INPP4B: variants seen among roughly 807,000 people sequenced by gnomAD.
INPP4B encodes inositol polyphosphate-4-phosphatase type II B.
INPP4B carries 55 observed loss-of-function variants against 122.5 expected under a neutral mutation model. The ratio of observed to expected loss-of-function variants is 0.45; its 90% CI spans 0.36 to 0.56. The LOEUF is 0.56. INPP4B is among the 20% of genes least tolerant of loss of function. The pLI, the probability that INPP4B is intolerant of heterozygous loss-of-function variation, is 0.00. For synonymous variants in INPP4B, 403 were observed against 388.7 expected (o/e 1.04, Z -0.43); for missense variants, 1,000 against 1,097.7 (o/e 0.91, Z 1.26).
chr4:142,578,957 G>A lies in INPP4B; in HGVS notation c.-190-116231C>T, dbSNP rs564292107. Reference sequence around the variant, plus strand: ...AGGGAATCTGTTACTGTGGTCTCTTGTAACTAAAAAGTGAATATGTTTTAT... The same window carrying A: ...AGGGAATCTGTTACTGTGGTCTCTTATAACTAAAAAGTGAATATGTTTTAT... On this transcript the variant is annotated intron_variant, in intron 2 of 25. Coordinates refer to ENST00000262992, the MANE Select transcript of INPP4B (RefSeq NM_001101669.3). Among the ~76,000 whole-genome samples the A allele has an allele frequency of 2.2e-4, 33 of 152,006 alleles. No homozygotes were observed. In the South Asian group the frequency reaches 6.6e-3, roughly 31 times the overall value.
At chr4:142,262,422 C>T (rs989197232) in intron 10 of INPP4B, among the ~76,000 whole-genome samples, 4 of 152,274 alleles carry the variant, frequency 2.6e-5, no homozygotes, top group East Asian at 1.9e-4. Flanking sequence ...TTATTCCTGA[C>T]ATATATCCCC....
At chr4:142,379,353 C>T (rs191634155) in intron 7 of INPP4B, among the ~76,000 whole-genome samples, 2 of 152,212 alleles carry the variant, frequency 1.3e-5, no homozygotes, top group Admixed American at 1.3e-4. Context: ...TCAAAGAGAG[C>T]TTTACTTAAT....
At chr4:142,146,095 C>T in intron 17 of INPP4B, 99 bp from the exon 18 acceptor site, 3 of 1,295,018 alleles carry the variant, frequency 2.3e-6, no homozygotes, top group Non-Finnish European at 3.2e-6. Context: ...GAAGGGTAGT[C>T]ATTAGAATGC....
chr4:142,507,365 T>C (rs1032091188), intron 2 of INPP4B, among the ~76,000 whole-genome samples: 1 of 152,182 alleles, frequency 6.6e-6, no homozygotes, highest in African/African-American at 2.4e-5. Flanking sequence ...GTATCTGCTG[T>C]GCTCCAATGC....
intron 9 of INPP4B, among the ~76,000 whole-genome samples, chr4:142,276,235 T>C (rs568884345): frequency 8.6e-5 from 13 of 151,992 alleles, no homozygotes; most frequent in East Asian, 3.9e-4. Context: ...ATTTCATTCA[T>C]GTCAAGTTTT....
intron 7 of INPP4B, among the ~76,000 whole-genome samples, chr4:142,340,751 C>T (rs890973242): frequency 3.9e-5 from 6 of 152,060 alleles, no homozygotes; most frequent in Non-Finnish European, 8.8e-5. Context: ...GGAGGAACCT[C>T]GGCTTTATTC....
intron 1 of INPP4B, among the ~76,000 whole-genome samples, chr4:142,834,364 C>T (rs754455471): frequency 2.9e-4 from 44 of 152,160 alleles, no homozygotes; most frequent in Non-Finnish European, 4.9e-4. Flanking sequence ...CTAACTACAA[C>T]AGACTTTTTA....
At chr4:142,457,784 C>T (rs891860416) in intron 3 of INPP4B, among the ~76,000 whole-genome samples, 1 of 152,090 alleles carries the variant, frequency 6.6e-6, no homozygotes, top group Non-Finnish European at 1.5e-5. Context: ...TTTTTAAAGA[C>T]AGTGTTTCAC....
chr4:142,825,614 T>C (rs1781362245), intron 1 of INPP4B, among the ~76,000 whole-genome samples: 1 of 151,976 alleles, frequency 6.6e-6, no homozygotes, highest in Non-Finnish European at 1.5e-5. Flanking sequence ...AAGTAAAAAG[T>C]GTTAGAGCCA....
chr4:142,757,888 C>T (rs1353114256), intron 1 of INPP4B, among the ~76,000 whole-genome samples: 4 of 152,106 alleles, frequency 2.6e-5, no homozygotes, highest in African/African-American at 9.7e-5. Context: ...AATGAAAGTT[C>T]CTATTGTTTC....
chr4:142,308,850 A>G (rs1764396056), intron 8 of INPP4B, among the ~76,000 whole-genome samples: 1 of 152,154 alleles, frequency 6.6e-6, no homozygotes, highest in African/African-American at 2.4e-5. Flanking sequence ...TGGAGCTCAG[A>G]GGTCTGAAGT....
rs72363974 is a variant in INPP4B at position 142,537,740 on chromosome 4, A to AGTGTGT, written c.-190-75020_-190-75015dup. ...GTCTGTGAGTATGTATGTGTATATG[A>AGTGTGT]GTGTGTGTGTGTGTGTGTGTGTGTG... is the stretch of plus-strand genomic sequence containing the variant. On this transcript the variant is annotated intron_variant, in intron 2 of 25. Transcript: ENST00000262992. 5.6e-3 allele frequency among the ~76,000 whole-genome samples: 828 copies of AGTGTGT among 146,870 alleles called. 6 individuals carry two copies. Among genetic ancestry groups the AGTGTGT allele is most frequent in the Middle Eastern group, 0.014 (4 of 286 alleles).
intron 16 of INPP4B, among the ~76,000 whole-genome samples, chr4:142,163,341 T>C (rs1048886117): frequency 9.2e-5 from 14 of 152,072 alleles, no homozygotes; most frequent in South Asian, 8.3e-4. Flanking sequence ...GTATCCGTGC[T>C]GTATATGCTA....
At chr4:142,619,033 T>C (rs1013616093) in intron 2 of INPP4B, among the ~76,000 whole-genome samples, 15 of 151,918 alleles carry the variant, frequency 9.9e-5, no homozygotes, top group African/African-American at 2.7e-4. Context: ...CAACACCACA[T>C]TGAGATGTCA....
intron 7 of INPP4B, among the ~76,000 whole-genome samples, chr4:142,332,514 T>C (rs1373271860): frequency 6.6e-6 from 1 of 151,766 alleles, no homozygotes; most frequent in East Asian, 1.9e-4. Flanking sequence ...AAAAAAAGCA[T>C]ATATAGTTAA....
At chr4:142,303,197 A>C (rs1762133766) in intron 9 of INPP4B, among the ~76,000 whole-genome samples, 1 of 152,154 alleles carries the variant, frequency 6.6e-6, no homozygotes, top group Non-Finnish European at 1.5e-5. Flanking sequence ...GAAGCTACAT[A>C]AATCACAGTG....
chr4:142,435,167 T>C (rs959326272), intron 3 of INPP4B, among the ~76,000 whole-genome samples: 4 of 152,038 alleles, frequency 2.6e-5, no homozygotes, highest in Non-Finnish European at 5.9e-5. Flanking sequence ...GGCACTATCT[T>C]AGGAAAAGAA....
chr4:142,139,359 T>C (rs1317464123), intron 18 of INPP4B, among the ~76,000 whole-genome samples: 2 of 152,202 alleles, frequency 1.3e-5, no homozygotes, highest in East Asian at 3.9e-4. Flanking sequence ...CAGCCTGGAG[T>C]GCAATGGCAC....
intron 2 of INPP4B, among the ~76,000 whole-genome samples, chr4:142,495,180 A>G (rs1230799255): frequency 6.6e-6 from 1 of 152,116 alleles, no homozygotes; most frequent in Admixed American, 6.6e-5. Context: ...TATACGTGAA[A>G]CTATAAAATT....
Sources: allele counts gnomAD v4.1 joint callset (sites outside exome capture counted in the v4.1 genomes callset), GRCh38; gene constraint gnomAD v4.1.1; transcripts MANE v1.5; gene names NCBI Gene and HGNC (gene_info 2026-07-23, HGNC 2026-07-21).